Variants in DNAH11 observed in about 807,000 individuals in gnomAD.
DNAH11 encodes the protein axonemal beta dynein heavy chain 11.
In DNAH11, 442 loss-of-function variants were observed where a neutral mutation model predicts 526.0. That is an observed-to-expected ratio of 0.84 (90% CI 0.78 to 0.91). The LOEUF (loss-of-function observed/expected upper bound fraction) is 0.91. Ranked by LOEUF, DNAH11 falls within the 40% of genes least tolerant of loss-of-function variation. DNAH11 has a pLI of 0.00. For missense variants in DNAH11, 6,989 were observed against 5,448.7 expected (o/e 1.28, Z -8.90); for synonymous variants, 2,461 against 1,935.9 (o/e 1.27, Z -7.12).
At chr7:21,662,982 C>G (rs932883830) in intron 30 of DNAH11, among the ~76,000 whole-genome samples, 3 of 151,934 alleles carry the variant, frequency 2.0e-5, no homozygotes, top group South Asian at 2.1e-4. Context: ...CCCTTACCAC[C>G]CCCTAATGAT....
chr7:21,755,504 A>G (rs902970530), intron 54 of DNAH11, among the ~76,000 whole-genome samples: 1 of 152,128 alleles, frequency 6.6e-6, no homozygotes, highest in African/African-American at 2.4e-5. Flanking sequence ...TTATCTTTCT[A>G]AGTATATATA....
chr7:21,648,408 A>AT (rs1787459056), intron 28 of DNAH11, among the ~76,000 whole-genome samples: 1 of 152,136 alleles, frequency 6.6e-6, no homozygotes. Flanking sequence ...AAGCTTGAAA[A>AT]TTTTTTGTAT....
intron 69 of DNAH11, 139 bp from the exon 70 acceptor site, chr7:21,864,396 A>C: frequency 3.2e-6 from 2 of 621,206 alleles, no homozygotes; most frequent in Non-Finnish European, 5.1e-6. Flanking sequence ...CTATTTCAAC[A>C]GTAGAACAGA....
intron 40 of DNAH11, among the ~76,000 whole-genome samples, chr7:21,708,802 T>C (rs1276219632): frequency 6.6e-6 from 1 of 152,196 alleles, no homozygotes; most frequent in African/African-American, 2.4e-5. Flanking sequence ...TCCCTTATCT[T>C]ATTTCAGCAT....
chr7:21,620,207 G>A (rs754497386), intron 25 of DNAH11, 129 bp downstream of exon 25: 53 of 827,178 alleles, frequency 6.4e-5, no homozygotes, highest in East Asian at 1.9e-4. Context: ...CAGGCTAACC[G>A]TCATCTCATA....
chr7:21,789,398 C>CT, intron 61 of DNAH11, 56 bp downstream of exon 61: 1 of 1,191,290 alleles, frequency 8.4e-7, no homozygotes, highest in East Asian at 2.6e-5. Flanking sequence ...CTGCCTCCAC[C>CT]TTAGGATTCC....
chr7:21,845,010 T>G (rs1782361403), intron 66 of DNAH11, among the ~76,000 whole-genome samples: 1 of 152,202 alleles, frequency 6.6e-6, no homozygotes, highest in African/African-American at 2.4e-5. Context: ...ATTGCCAAGC[T>G]GGATCAGGGA....
At chr7:21,711,516 T>C (rs1200852217) in intron 41 of DNAH11, among the ~76,000 whole-genome samples, 196 bp from the exon 42 acceptor site, 2 of 152,214 alleles carry the variant, frequency 1.3e-5, no homozygotes, top group African/African-American at 4.8e-5. Flanking sequence ...CATTCACAAG[T>C]CCATTTAGGT....
rs549386512 is a variant in DNAH11, at chr7:21,648,511, T to C, written c.4945-7321T>C. Among the ~76,000 whole-genome samples the C allele has an allele frequency of 8.5e-5, 13 of 152,254 alleles. No homozygotes were observed. In the South Asian group the frequency reaches 2.7e-3, roughly 32 times the overall value. ...AGCCTGCTGGATAATGAGATGAACA[T>C]GCCCATACCCAAGCTACCAGCTGAG... On this transcript the variant is annotated intron_variant, in intron 28 of 81. Coordinates refer to ENST00000409508, the MANE Select transcript of DNAH11 (RefSeq NM_001277115.2).
chr7:21,690,675 T>C (rs773612190), intron 34 of DNAH11, 90 bp from the exon 35 acceptor site: 58 of 904,280 alleles, frequency 6.4e-5, no homozygotes, highest in Non-Finnish European at 9.0e-5. Flanking sequence ...AGCTTCCTAA[T>C]AATTTGCATT....
chr7:21,706,609 C>T (rs1473948080), intron 39 of DNAH11, among the ~76,000 whole-genome samples: 3 of 152,054 alleles, frequency 2.0e-5, no homozygotes, highest in Admixed American at 6.6e-5. Context: ...CTATACTTTC[C>T]AGTGGATTAA....
In DNAH11 at chr7:21,773,519, T is replaced by A. The variant is rs144064568; in HGVS notation, c.9103-247T>A. On this transcript the variant is annotated intron_variant, in intron 55 of 81. Transcript: ENST00000409508. Reference sequence around the variant, plus strand: ...GATCTGTATATGCTGGCTTTTGTATTTGGTATGTGGAGCACATAAAAACCC... The same window carrying A: ...GATCTGTATATGCTGGCTTTTGTATATGGTATGTGGAGCACATAAAAACCC... Among the ~76,000 whole-genome samples the A allele has an allele frequency of 4.1e-4, 62 of 152,228 alleles. 1 individual carries two copies. The East Asian group carries it at 0.012, about 29-fold the overall frequency.
intron 56 of DNAH11, among the ~76,000 whole-genome samples, chr7:21,778,458 C>T (rs536653093): frequency 6.6e-6 from 1 of 152,186 alleles, no homozygotes; most frequent in Non-Finnish European, 1.5e-5. Flanking sequence ...AGAGGTGAGA[C>T]CTATCAGTGG....
In DNAH11 at chr7:21,711,868, T is replaced by C. The variant is rs1784476953; in HGVS notation, c.6983+8T>C. The C allele has an allele frequency of 6.3e-7, 1 of 1,597,776 alleles. No homozygotes were observed. Among genetic ancestry groups the C allele is most frequent in the Non-Finnish European group, 8.5e-7 (1 of 1,171,048 alleles). ...AGATCTGGGCTGGAATCCGTGAGTA[T>C]TTCTTTTTGTTTTATTGTAGTAAAT... On this transcript the variant is annotated splice_region_variant and intron_variant, in intron 42 of 81. Transcript: ENST00000409508.
At chr7:21,598,994 G>A (rs1049086833) in intron 14 of DNAH11, among the ~76,000 whole-genome samples, 1 of 152,108 alleles carries the variant, frequency 6.6e-6, no homozygotes, top group South Asian at 2.1e-4. Flanking sequence ...TCATTGATAG[G>A]CACTTAGGTT....
chr7:21,825,851 C>T (rs565965485), intron 65 of DNAH11, among the ~76,000 whole-genome samples: 3 of 151,174 alleles, frequency 2.0e-5, no homozygotes, highest in East Asian at 2.0e-4. Flanking sequence ...CCCAGCTACT[C>T]GGGAGGCTGA....
chr7:21,815,467 C>G (rs1789738398), intron 63 of DNAH11, among the ~76,000 whole-genome samples: 1 of 152,114 alleles, frequency 6.6e-6, no homozygotes, highest in African/African-American at 2.4e-5. Flanking sequence ...CAAATTGCAT[C>G]CCAGCCTTAA....
At chr7:21,565,610 G>C (rs1463010819) in intron 6 of DNAH11, among the ~76,000 whole-genome samples, 3 of 152,112 alleles carry the variant, frequency 2.0e-5, no homozygotes, top group African/African-American at 7.2e-5. Flanking sequence ...TGGTGTGTGG[G>C]AAAGGCTTTG....
chr7:21,792,945 C>T (rs764204362), intron 61 of DNAH11, among the ~76,000 whole-genome samples: 2 of 151,730 alleles, frequency 1.3e-5, no homozygotes, highest in Non-Finnish European at 2.9e-5. Context: ...TATTTTAGTT[C>T]CTTGAGGTGT....
Sources: allele counts gnomAD v4.1 joint callset (sites outside exome capture counted in the v4.1 genomes callset), GRCh38; gene constraint gnomAD v4.1.1; transcripts MANE v1.5; gene names NCBI Gene and HGNC (gene_info 2026-07-23, HGNC 2026-07-21).